Variants in ATP6V0A2 observed in about 807,000 individuals in gnomAD.
ATP6V0A2 encodes V-type proton ATPase 116 kDa subunit a 2.
Under a neutral mutation model 104.4 loss-of-function variants are expected in ATP6V0A2, and 58 were observed. The observed-to-expected ratio is 0.56, with a 90% CI of 0.45 to 0.69. The LOEUF is 0.69. ATP6V0A2 is among the 30% of genes least tolerant of loss of function. The pLI, the probability that ATP6V0A2 is intolerant of heterozygous loss-of-function variation, is 0.00. For synonymous variants in ATP6V0A2, 376 were observed against 397.9 expected, an observed-to-expected ratio of 0.95 and a Z score of 0.65; for missense variants, 938 against 1,062.9, an observed-to-expected ratio of 0.88 and a Z score of 1.63.
chr12:123,735,537 C>T lies in ATP6V0A2; in HGVS notation c.738C>T (p.His246=), dbSNP rs1956544419. 6.2e-7 allele frequency: 1 copy of T among 1,613,888 alleles called. No homozygotes were observed. Residue 246 remains histidine, a synonymous_variant, in exon 8 of 20, where the codon CAC becomes CAT. Transcript: ENST00000330342. ...TTCAACTCTTGTCTTCCAGCTACCA[C>T]TGCCACGTGTACCCCTATCCAAACA... is the stretch of plus-strand genomic sequence containing the variant. ...HKVKKICDCY[H]CHVYPYPNTA...
rs10715944 is a variant in ATP6V0A2, at chr12:123,743,653, CA to C, written c.1039-123del. The C allele has an allele frequency of 0.61, 614,356 of 1,007,552 alleles. 190,036 individuals carry two copies. Among genetic ancestry groups the C allele is most frequent in the East Asian group, 0.95 (35,378 of 37,174 alleles). The allele number at this position is 1,007,552 out of a possible 1,614,324, so 62.4% of individuals were successfully genotyped here. Reference sequence around the variant, plus strand: ...GGGCAACAAGAGTGAAACTCCGTCTCAAAAAAAAACAAAACAAAACAACACC... The same window carrying C: ...GGGCAACAAGAGTGAAACTCCGTCTCAAAAAAAACAAAACAAAACAACACC... On this transcript the variant is annotated intron_variant, in intron 9 of 19. Coordinates refer to ENST00000330342, the MANE Select transcript of ATP6V0A2 (RefSeq NM_012463.4).
intron 13 of ATP6V0A2, among the ~76,000 whole-genome samples, chr12:123,746,889 C>T (rs992524223): frequency 9.9e-5 from 15 of 151,404 alleles, no homozygotes; most frequent in African/African-American, 2.9e-4. Flanking sequence ...ACCAAGATTG[C>T]GCCACTGCAC....
chr12:123,712,409 G>C lies in ATP6V0A2; in HGVS notation c.-157G>C, dbSNP rs868777456. ...GAGCGGCGGCCGCGGTGGCAGAACC[G>C]GGGGCGGCCGCTGCAGTCTGGAGCC... On this transcript the variant is annotated 5_prime_UTR_variant, in exon 1 of 20. Transcript: ENST00000330342. The C allele has an allele frequency of 2.8e-5, 11 of 388,976 alleles. No individual in the cohort carries two copies. Among genetic ancestry groups the C allele is most frequent in the Non-Finnish European group, 4.9e-5 (11 of 225,554 alleles). The allele number at this position is 388,976 out of a possible 1,614,324, so 24.1% of individuals were successfully genotyped here.
chr12:123,750,169 T>A (rs1379212263), intron 15 of ATP6V0A2: 2 of 152,270 alleles, frequency 1.3e-5, no homozygotes, highest in East Asian at 3.8e-4. Context: ...CTTTCTTTAC[T>A]ACCTGCCGCA....
In ATP6V0A2 at chr12:123,747,667, G is replaced by T. The variant is rs139454557; in HGVS notation, c.1666G>T (p.Val556Leu). The change falls in exon 14 of 20, where the codon GTG becomes TTG. Residue 556 changes from valine (V) to leucine (L), a missense_variant. Physicochemically the swap from Val to Leu is conservative, Grantham distance 32. Coordinates refer to ENST00000330342, the MANE Select transcript of ATP6V0A2 (RefSeq NM_012463.4). The part of the protein sequence containing the change: ...FLNSFKMKMS[V>L]ILGIIHMTFG... The stretch of plus-strand genomic sequence containing the variant: ...AAACTCTTTCAAAATGAAAATGTCC[G>T]TGATTTTAGGAATCATTCATATGAC... 6 of 1,613,626 alleles carry T rather than the reference G, an allele frequency of 3.7e-6. No homozygotes were observed. Among genetic ancestry groups the T allele is most frequent in the Non-Finnish European group, 5.1e-6 (6 of 1,179,590 alleles).
At chr12:123,716,071 CTT>C (rs1252938580) in intron 1 of ATP6V0A2, among the ~76,000 whole-genome samples, 4 of 144,048 alleles carry the variant, frequency 2.8e-5, no homozygotes, top group Admixed American at 7.0e-5. Context: ...AATTTTTTTT[CTT>C]TTTTTTTTTT....
At chr12:123,749,851 C>T (rs1268104236) in intron 15 of ATP6V0A2, 3 of 152,186 alleles carry the variant, frequency 2.0e-5, no homozygotes, top group Non-Finnish European at 2.9e-5. Flanking sequence ...GGTTTTTCAT[C>T]GTGTTGACCT....
chr12:123,757,766 G>A (rs972375937), intron 19 of ATP6V0A2, among the ~76,000 whole-genome samples, 161 bp from the exon 20 acceptor site: 7 of 152,166 alleles, frequency 4.6e-5, no homozygotes, highest in African/African-American at 7.2e-5. Flanking sequence ...GGGGTTGGGG[G>A]TGCGGGGCAG....
chr12:123,732,305 T>C (rs2333839), intron 6 of ATP6V0A2: 92,369 of 153,810 alleles, frequency 0.6, 28,407 homozygotes, highest in East Asian at 0.95. Flanking sequence ...CGTCCCACAC[T>C]TGCCTCGCCT....
intron 16 of ATP6V0A2, among the ~76,000 whole-genome samples, chr12:123,751,512 G>T (rs561844988): frequency 6.6e-6 from 1 of 152,062 alleles, no homozygotes; most frequent in African/African-American, 2.4e-5. Flanking sequence ...AAAATAAGCC[G>T]GTGTGGTGGT....
At chr12:123,755,938 G>A (rs966778361) in intron 18 of ATP6V0A2, among the ~76,000 whole-genome samples, 4 of 151,664 alleles carry the variant, frequency 2.6e-5, no homozygotes, top group Non-Finnish European at 4.4e-5. Flanking sequence ...AAAATTAGCC[G>A]GGCGTGGTGG....
At position 123,722,611 on chromosome 12, in the gene ATP6V0A2, C is replaced by T. The variant is rs568575431; in HGVS notation, c.294+163C>T. ...AAAGACCGCTATTATGATTAACCCTCAGTAATAGATTATCTGTGTTAAATT... is the reference window on the plus strand; with the variant it reads ...AAAGACCGCTATTATGATTAACCCTTAGTAATAGATTATCTGTGTTAAATT... On this transcript the variant is annotated intron_variant, in intron 3 of 19. Coordinates refer to ENST00000330342, the MANE Select transcript of ATP6V0A2 (RefSeq NM_012463.4). 8.5e-5 allele frequency among the ~76,000 whole-genome samples: 13 copies of T among 152,286 alleles called. No homozygotes were observed. The East Asian group carries it at 2.1e-3, about 25-fold the overall frequency.
In ATP6V0A2 at chr12:123,759,805, G is replaced by A. The variant is rs1956793308; in HGVS notation, c.*1773G>A. 1 of 152,198 alleles carries A rather than the reference G, an allele frequency of 6.6e-6. No homozygotes were observed. The highest frequency in any genetic ancestry group is 1.5e-5 in the Non-Finnish European group (1 of 68,040). 9.4% of individuals were successfully genotyped at this position (152,198 alleles called of 1,614,324 possible). On this transcript the variant is annotated 3_prime_UTR_variant, in exon 20 of 20. Transcript: ENST00000330342. ...CCCTTTCAATTACAGTACAGATTCT[G>A]TGTGCTACTTGATGAGATGTTACCC...
intron 7 of ATP6V0A2, 24 bp from the exon 8 acceptor site, chr12:123,735,507 C>T (rs1555297493): frequency 1.2e-6 from 2 of 1,601,078 alleles, no homozygotes; most frequent in Non-Finnish European, 1.7e-6. Flanking sequence ...AGATGTGAGA[C>T]TGTGTTCAAC....
rs567561863 is a variant in ATP6V0A2, at chr12:123,757,965, C to T, written c.2504C>T (p.Thr835Ile). The T allele has an allele frequency of 1.2e-6, 2 of 1,611,288 alleles. No individual in the cohort carries two copies. Among genetic ancestry groups the T allele is most frequent in the African/African-American group, 2.7e-5 (2 of 74,656 alleles). The change falls in exon 20 of 20, where the codon ACC becomes ATC. Residue 835 changes from threonine (T) to isoleucine (I), a missense_variant. Physicochemically the swap from Thr to Ile is moderately conservative, Grantham distance 89 (BLOSUM62 -1). Transcript: ENST00000330342. Reference protein sequence around the residue: ...FQNKFYVGAGTKFVPFSFSLL... With the variant: ...FQNKFYVGAGIKFVPFSFSLL... ...AACAAATTCTACGTTGGTGCAGGCACCAAATTTGTTCCTTTCTCATTCAGT... is the reference window on the plus strand; with the variant it reads ...AACAAATTCTACGTTGGTGCAGGCATCAAATTTGTTCCTTTCTCATTCAGT...
At chr12:123,717,312 C>CT (rs1436459003) in intron 1 of ATP6V0A2, among the ~76,000 whole-genome samples, 2 of 61,678 alleles carry the variant, frequency 3.2e-5, no homozygotes, top group African/African-American at 1.5e-4. Flanking sequence ...GAAACTCTGT[C>CT]TCAAAAAAAA....
intron 6 of ATP6V0A2, 22 bp downstream of exon 6, chr12:123,727,931 C>T (rs200888942): frequency 6.2e-7 from 1 of 1,614,146 alleles, no homozygotes; most frequent in East Asian, 2.2e-5. Flanking sequence ...TCACCATCAC[C>T]TTTTAGCAAT....
chr12:123,744,656 G>T lies in ATP6V0A2; in HGVS notation c.1386G>T (p.Val462=), dbSNP rs754250689. The T allele has an allele frequency of 1.9e-6, 3 of 1,613,798 alleles. No homozygotes were observed. The highest frequency in any genetic ancestry group is 2.7e-5 in the African/African-American group (2 of 74,888). The change falls in exon 12 of 20, where the codon GTG becomes GTT. Residue 462 remains valine (V), a synonymous_variant. Coordinates refer to ENST00000330342, the MANE Select transcript of ATP6V0A2 (RefSeq NM_012463.4). The surrounding 1 kb of genome is among the most constrained non-coding windows in gnomAD (Gnocchi z 5.4). ...TCCTGCTGATGGGGCTGTTCTCAGTGTACACTGGCCTCATCTACAACGACT... is the reference window on the plus strand; with the variant it reads ...TCCTGCTGATGGGGCTGTTCTCAGTTTACACTGGCCTCATCTACAACGACT... ...YILLLMGLFS[V]YTGLIYNDCF... is the part of the protein sequence containing the mutation.
chr12:123,718,033 T>G (rs1010130818), intron 1 of ATP6V0A2, among the ~76,000 whole-genome samples: 1 of 151,928 alleles, frequency 6.6e-6, no homozygotes, highest in Admixed American at 6.6e-5. Flanking sequence ...CAAGCAATTC[T>G]CGTGCCTCAG....
Sources: allele counts gnomAD v4.1 joint callset (sites outside exome capture counted in the v4.1 genomes callset), GRCh38; gene constraint gnomAD v4.1.1; non-coding constraint Gnocchi (gnomAD v3.1); transcripts MANE v1.5; gene names NCBI Gene and HGNC (gene_info 2026-07-23, HGNC 2026-07-21).